Variants in M1AP observed in about 807,000 individuals in gnomAD.
M1AP encodes meiosis 1 arrest protein.
Under a neutral mutation model 51.2 loss-of-function variants are expected in M1AP, and 39 were observed. That is an observed-to-expected ratio of 0.76 (90% confidence interval 0.59 to 1.00). The LOEUF (loss-of-function observed/expected upper bound fraction) is 1.00. M1AP is among the 50% of genes least tolerant of loss of function. The probability of loss-of-function intolerance (pLI) is 0.00; values close to 1 mark genes in which losing one functional copy is unlikely to be tolerated. For synonymous variants in M1AP, 251 were observed against 249.2 expected (o/e 1.01, Z -0.07); for missense variants, 545 against 641.2 (o/e 0.85, Z 1.62).
At chr2:74,632,544 G>A (rs1682763650) in intron 2 of M1AP, among the ~76,000 whole-genome samples, 1 of 152,076 alleles carries the variant, frequency 6.6e-6, no homozygotes, top group African/African-American at 2.4e-5. Context: ...ACCCCAGGGT[G>A]CATAAAATTG....
intron 1 of M1AP, among the ~76,000 whole-genome samples, chr2:74,644,053 G>T (rs1194680309): frequency 6.6e-6 from 1 of 151,964 alleles, no homozygotes; most frequent in Non-Finnish European, 1.5e-5. Flanking sequence ...GAAAACAAAA[G>T]AAATATGATA....
intron 9 of M1AP, 51 bp from the exon 10 acceptor site, chr2:74,559,760 C>G: frequency 1.4e-6 from 1 of 717,308 alleles, no homozygotes; most frequent in Non-Finnish European, 2.6e-6. Flanking sequence ...ATCATAAAAC[C>G]TGGCAAATGA....
intron 2 of M1AP, 99 bp from the exon 3 acceptor site, chr2:74,615,248 T>C: frequency 1.9e-6 from 2 of 1,076,020 alleles, no homozygotes; most frequent in South Asian, 1.5e-5. Flanking sequence ...CAGAAGTTCC[T>C]TCCCTTCCTG....
intron 4 of M1AP, among the ~76,000 whole-genome samples, chr2:74,599,264 G>T (rs1680534106): frequency 6.6e-6 from 1 of 152,092 alleles, no homozygotes; most frequent in South Asian, 2.1e-4. Flanking sequence ...GAGTGACAGA[G>T]ACTCTGTCAA....
At chr2:74,607,638 TA>T (rs1166455074) in intron 3 of M1AP, among the ~76,000 whole-genome samples, 3 of 151,990 alleles carry the variant, frequency 2.0e-5, no homozygotes, top group African/African-American at 7.2e-5. Context: ...CACACCCGGG[TA>T]ATTTTTTTTG....
intron 4 of M1AP, among the ~76,000 whole-genome samples, chr2:74,603,210 G>A (rs1043228929): frequency 3.3e-5 from 5 of 152,174 alleles, no homozygotes; most frequent in African/African-American, 1.2e-4. Flanking sequence ...CAGACCAAGA[G>A]TAGCCTCCAT....
intron 10 of M1AP, 42 bp downstream of exon 10, chr2:74,559,656 G>T (rs1290807146): frequency 9.7e-6 from 7 of 718,122 alleles, no homozygotes; most frequent in Non-Finnish European, 1.6e-5. Context: ...TACTAATCTT[G>T]GTCAGCCTCC....
chr2:74,567,903 T>C (rs1300183595), intron 7 of M1AP, among the ~76,000 whole-genome samples: 2 of 152,208 alleles, frequency 1.3e-5, no homozygotes, highest in Non-Finnish European at 2.9e-5. Flanking sequence ...GTGAAATACC[T>C]GAATAAAGCA....
At position 74,562,252 on chromosome 2, in the gene M1AP, C is replaced by T; in HGVS notation, c.1246G>A (p.Glu416Lys). 6.2e-7 allele frequency: 1 copy of T among 1,613,914 alleles called. No individual in the cohort carries two copies. Among genetic ancestry groups the T allele is most frequent in the East Asian group, 2.2e-5 (1 of 44,878 alleles). Residue 416 changes from glutamate (E) to lysine (K), a missense_variant, in exon 8 of 11, where the codon GAG (glutamate) becomes AAG (lysine). Transcript: ENST00000421985. ...TTAAGGCTATCATCATGTGGGTCCT[C>T]AGGTAGCAGGGGGAAGGTGCTGGGC... Reference protein sequence around the residue: ...MLPSTFPLLPEDPHDDSLKNV... With the variant: ...MLPSTFPLLPKDPHDDSLKNV...
intron 4 of M1AP, among the ~76,000 whole-genome samples, chr2:74,588,787 T>C (rs989615282): frequency 2.0e-5 from 3 of 152,182 alleles, no homozygotes; most frequent in Non-Finnish European, 4.4e-5. Context: ...TGTAATGAGA[T>C]AGAGAAAATT....
intron 8 of M1AP, 84 bp from the exon 9 acceptor site, chr2:74,560,375 G>A: frequency 7.1e-7 from 1 of 1,404,778 alleles, no homozygotes; most frequent in Non-Finnish European, 9.6e-7. Context: ...GGAGTGTGAG[G>A]GGCTGGAGGA....
chr2:74,572,132 T>C (rs1678783376), intron 7 of M1AP, among the ~76,000 whole-genome samples: 1 of 152,220 alleles, frequency 6.6e-6, no homozygotes, highest in African/African-American at 2.4e-5. Context: ...GCCGTTGTTA[T>C]GAGTACTGTG....
At chr2:74,593,779 C>T (rs937061704) in intron 4 of M1AP, among the ~76,000 whole-genome samples, 1 of 152,174 alleles carries the variant, frequency 6.6e-6, no homozygotes, top group Non-Finnish European at 1.5e-5. Flanking sequence ...ACCAAGTAAA[C>T]CAGCAAGGAA....
intron 4 of M1AP, among the ~76,000 whole-genome samples, chr2:74,600,482 TCTC>T (rs1239078713): frequency 6.6e-6 from 1 of 152,196 alleles, no homozygotes; most frequent in East Asian, 1.9e-4. Context: ...ATTGGCAGGT[TCTC>T]CTCTATCCTA....
chr2:74,562,196 T>C, intron 8 of M1AP, 21 bp downstream of exon 8: 1 of 1,591,982 alleles, frequency 6.3e-7, no homozygotes, highest in Non-Finnish European at 8.6e-7. Flanking sequence ...ATCTGTCCCA[T>C]GAGATCTGGG....
At chr2:74,582,327 G>A (rs1439970341) in intron 4 of M1AP, among the ~76,000 whole-genome samples, 1 of 152,178 alleles carries the variant, frequency 6.6e-6, no homozygotes, top group Non-Finnish European at 1.5e-5. Flanking sequence ...AAAGGCATAT[G>A]CAAAGATGTT....
At chr2:74,648,064 G>A in intron 1 of M1AP, 1 of 985,542 alleles carries the variant, frequency 1.0e-6, no homozygotes, top group South Asian at 4.7e-5. Flanking sequence ...TGGCCGCCCA[G>A]AACAGTATGC....
chr2:74,562,926 AAAAAGAAAAAAGCAGTG>A (rs1255796484), intron 7 of M1AP, among the ~76,000 whole-genome samples: 1 of 152,108 alleles, frequency 6.6e-6, no homozygotes, highest in Non-Finnish European at 1.5e-5. Context: ...TCTCAAAAGG[AAAAAGAAAAAAGCAGTG>A]TCTTGAAACC....
intron 5 of M1AP, among the ~76,000 whole-genome samples, chr2:74,577,858 CAG>C (rs2104574787): frequency 6.6e-6 from 1 of 152,284 alleles, no homozygotes; most frequent in South Asian, 2.1e-4. Flanking sequence ...ATTCTGGTTG[CAG>C]TAAGAATCAT....
Sources: allele counts gnomAD v4.1 joint callset (sites outside exome capture counted in the v4.1 genomes callset), GRCh38; gene constraint gnomAD v4.1.1; transcripts MANE v1.5; gene names NCBI Gene and HGNC (gene_info 2026-07-23, HGNC 2026-07-21).